Variants in CADPS observed in about 807,000 individuals in gnomAD.
CADPS encodes calcium-dependent secretion activator 1.
In CADPS, 57 loss-of-function variants were observed where a neutral mutation model predicts 167.3. The ratio of observed to expected loss-of-function variants is 0.34; its 90% confidence interval spans 0.28 to 0.42. The LOEUF (loss-of-function observed/expected upper bound fraction) is 0.42. Among genes scored for constraint, CADPS ranks in the 20% least tolerant of loss-of-function variants. CADPS has a pLI of 1.00. For synonymous variants in CADPS, 676 were observed against 635.3 expected (o/e 1.06, Z -0.96); for missense variants, 1,414 against 1,738.1 (o/e 0.81, Z 3.32).
At chr3:62,469,830 C>G (rs938716869) in intron 24 of CADPS, 1 of 152,292 alleles carries the variant, frequency 6.6e-6, no homozygotes, top group African/African-American at 2.4e-5. Flanking sequence ...CTTGGATTAA[C>G]TTGCCCTATA....
chr3:62,537,511 C>T (rs991060119), intron 11 of CADPS, among the ~76,000 whole-genome samples: 23 of 152,278 alleles, frequency 1.5e-4, no homozygotes, highest in African/African-American at 4.8e-4. Flanking sequence ...TGGCTCACTC[C>T]ACCTCATCTT....
At chr3:62,581,283 A>AT (rs1169782023) in intron 8 of CADPS, among the ~76,000 whole-genome samples, 1 of 151,904 alleles carries the variant, frequency 6.6e-6, no homozygotes, top group Non-Finnish European at 1.5e-5. Flanking sequence ...TGGCATTCCC[A>AT]TTTTCTGATG....
At chr3:62,468,858 T>C (rs543598430) in intron 24 of CADPS, among the ~76,000 whole-genome samples, 33 of 152,372 alleles carry the variant, frequency 2.2e-4, no homozygotes, top group African/African-American at 7.5e-4. Context: ...CAATCTCTGT[T>C]GGTCTATTTC....
intron 1 of CADPS, among the ~76,000 whole-genome samples, chr3:62,794,517 G>T (rs574216571): frequency 6.6e-6 from 1 of 152,258 alleles, no homozygotes; most frequent in East Asian, 1.9e-4. Context: ...CAGGAGGCCA[G>T]ACTCCAGAGC....
At chr3:62,425,341 T>A (rs141794285) in intron 28 of CADPS, among the ~76,000 whole-genome samples, 3 of 152,042 alleles carry the variant, frequency 2.0e-5, no homozygotes, top group African/African-American at 7.2e-5. Flanking sequence ...CCGCCACCAA[T>A]CAAAAATGTC....
rs1310500327 is a variant in CADPS at position 62,502,357 on chromosome 3, CT to C, written c.2600-3090del. Among the ~76,000 whole-genome samples, 4 of 151,824 alleles carry C rather than the reference CT, an allele frequency of 2.6e-5. No individual in the cohort carries two copies. The East Asian group carries it at 7.8e-4, about 29-fold the overall frequency. On this transcript the variant is annotated intron_variant, in intron 17 of 29. Transcript: ENST00000383710. ...TGTCTTCAGATGAATTACAATATTC[CT>C]ATCCCCCAAGCTTGCGCTAGCTGGA...
At chr3:62,432,848 A>C (rs2054247151) in intron 28 of CADPS, among the ~76,000 whole-genome samples, 1 of 152,206 alleles carries the variant, frequency 6.6e-6, no homozygotes, top group African/African-American at 2.4e-5. Context: ...AGTAAGTCCC[A>C]TTCAGGGCAC....
At chr3:62,518,797 C>A (rs1407501072) in intron 13 of CADPS, among the ~76,000 whole-genome samples, 2 of 152,128 alleles carry the variant, frequency 1.3e-5, no homozygotes, top group Non-Finnish European at 2.9e-5. Flanking sequence ...AATCAGGTGA[C>A]TTGTAAGTGT....
At chr3:62,691,087 CTG>C (rs1417056759) in intron 3 of CADPS, among the ~76,000 whole-genome samples, 2 of 152,112 alleles carry the variant, frequency 1.3e-5, no homozygotes, top group East Asian at 3.9e-4. Context: ...AGGCTACACA[CTG>C]TGTAATTTCA....
chr3:62,429,927 T>C (rs1315832814), intron 28 of CADPS, among the ~76,000 whole-genome samples: 1 of 152,186 alleles, frequency 6.6e-6, no homozygotes, highest in African/African-American at 2.4e-5. Context: ...AACTCTTCAT[T>C]GCCTACAAGC....
At chr3:62,401,215 T>C (rs776501481) in intron 29 of CADPS, among the ~76,000 whole-genome samples, 7 of 152,182 alleles carry the variant, frequency 4.6e-5, no homozygotes, top group Admixed American at 2.6e-4. Flanking sequence ...ATCTACACAA[T>C]TAACTTAAAT....
At position 62,518,155 on chromosome 3, in the gene CADPS, T is replaced by C. The variant is rs1202843167; in HGVS notation, c.2387A>G (p.His796Arg). 1.9e-6 allele frequency: 3 copies of C among 1,609,444 alleles called. No homozygotes were observed. The highest frequency in any genetic ancestry group is 2.2e-5 in the South Asian group (2 of 90,966). ...TCCAGCCCCAGATCCTTACCTAAAA[T>C]GTGTAATCTGATTTTCTAGCAGAAC... ...LRVLLENQIT[H>R]FRYCFPFGRP... Residue 796 changes from histidine to arginine, a missense_variant, in exon 14 of 30, where the codon CAT (histidine) becomes CGT (arginine). Transcript: ENST00000383710.
At chr3:62,658,492 G>A (rs1367408225) in intron 4 of CADPS, among the ~76,000 whole-genome samples, 2 of 152,102 alleles carry the variant, frequency 1.3e-5, no homozygotes, top group African/African-American at 4.8e-5. Context: ...AGAGAACCTT[G>A]GTCAGATTCT....
intron 11 of CADPS, among the ~76,000 whole-genome samples, chr3:62,547,584 A>ACC (rs2076662320): frequency 4.5e-4 from 23 of 50,830 alleles, no homozygotes; most frequent in South Asian, 7.9e-4. Flanking sequence ...GATATCATTT[A>ACC]CGCCCCCCCC....
At chr3:62,709,362 T>A (rs1305189191) in intron 3 of CADPS, among the ~76,000 whole-genome samples, 1 of 152,194 alleles carries the variant, frequency 6.6e-6, no homozygotes, top group African/African-American at 2.4e-5. Context: ...AGACATGTGC[T>A]TAAATCTCCA....
rs753755569 is a variant in CADPS at position 62,491,341 on chromosome 3, G to T, written c.3024C>A (p.Val1008=). 6.2e-7 allele frequency: 1 copy of T among 1,613,636 alleles called. No homozygotes were observed. Among genetic ancestry groups the T allele is most frequent in the South Asian group, 1.1e-5 (1 of 90,946 alleles). The change falls in exon 21 of 30, where the codon GTC becomes GTA. Residue 1008 remains valine (V), a splice_region_variant and synonymous_variant. Coordinates refer to ENST00000383710, the MANE Select transcript of CADPS (RefSeq NM_003716.4). ...RGFERESWEP[V]KSLTSNLPNV... is the part of the protein sequence containing the mutation. Reference sequence around the variant, plus strand: ...GGTATCAAAAAAGGTTTCCTTACTTGACTGGTTCCCATGACTCCCGCTCAA... The same window carrying T: ...GGTATCAAAAAAGGTTTCCTTACTTTACTGGTTCCCATGACTCCCGCTCAA...
At chr3:62,861,772 C>T (rs1477221811) in intron 1 of CADPS, among the ~76,000 whole-genome samples, 1 of 152,184 alleles carries the variant, frequency 6.6e-6, no homozygotes, top group African/African-American at 2.4e-5. Flanking sequence ...AGGGCATCTA[C>T]CATCATGAAC....
chr3:62,588,475 A>T (rs1487466564), intron 7 of CADPS, among the ~76,000 whole-genome samples: 1 of 152,040 alleles, frequency 6.6e-6, no homozygotes, highest in Admixed American at 6.6e-5. Context: ...ATAATATTGC[A>T]GGGTTGGGAA....
intron 16 of CADPS, among the ~76,000 whole-genome samples, chr3:62,515,757 C>T (rs2068825802): frequency 6.6e-6 from 1 of 152,028 alleles, no homozygotes; most frequent in Admixed American, 6.6e-5. Context: ...AAACATCAGC[C>T]ACAGAGCCGA....
Sources: gnomAD v4.1 joint callset for allele counts (sites outside exome capture counted in the v4.1 genomes callset) on GRCh38, gnomAD v4.1.1 for gene constraint, MANE v1.5 for transcripts, NCBI Gene and HGNC (gene_info 2026-07-23, HGNC 2026-07-21) for gene names.